PHOX2A: variants seen among roughly 807,000 people sequenced by gnomAD.
PHOX2A encodes paired mesoderm homeobox protein 2A.
PHOX2A carries 10 observed loss-of-function variants against 16.4 expected under a neutral mutation model. The observed-to-expected ratio is 0.61, with a 90% CI of 0.38 to 1.04. The LOEUF (loss-of-function observed/expected upper bound fraction) is 1.04, where lower values mean the gene tolerates loss of function less well. PHOX2A is among the 50% of genes least tolerant of loss of function. The pLI, the probability that PHOX2A is intolerant of heterozygous loss-of-function variation, is 0.01. For missense variants in PHOX2A, 361 were observed against 419.4 expected, an observed-to-expected ratio of 0.86 and a Z score of 1.22; for synonymous variants, 219 against 203.8, an observed-to-expected ratio of 1.07 and a Z score of -0.64.
chr11:72,239,827 G>C lies in PHOX2A; in HGVS notation c.777C>G (p.Ser259=). 1 of 1,367,030 alleles carries C rather than the reference G, an allele frequency of 7.3e-7. No individual in the cohort carries two copies. The allele number at this position is 1,367,030 out of a possible 1,614,324, so 84.7% of individuals were successfully genotyped here. The stretch of plus-strand genomic sequence containing the variant: ...GAACCCCGGAGAAGGGCCCGGGGCC[G>C]GACTCCGCCGGCTGCCAAGCCTTAA... ...ELLKAWQPAE[S]GPGPFSGVLS... Residue 259 remains serine, a synonymous_variant, in exon 3 of 3, where the codon TCC becomes TCG. Transcript: ENST00000298231.
At position 72,240,062 on chromosome 11, in the gene PHOX2A, G is replaced by C; in HGVS notation, c.542C>G (p.Thr181Arg). 1 of 1,527,720 alleles carries C rather than the reference G, an allele frequency of 6.5e-7. No individual in the cohort carries two copies. The highest frequency in any genetic ancestry group is 8.8e-7 in the Non-Finnish European group (1 of 1,142,326). 94.6% of individuals were successfully genotyped at this position (1,527,720 alleles called of 1,614,324 possible). The change falls in exon 3 of 3, where the codon ACG (threonine) becomes AGG (arginine). Residue 181 changes from threonine to arginine, a missense_variant. Coordinates refer to ENST00000298231, the MANE Select transcript of PHOX2A (RefSeq NM_005169.4). ...GGTGCTATCGGGCGTGGGGCTGCAC[G>C]TGGACTCCTTGGAATCGTCGTCCTC... ...SSEDDDSKES[T>R]CSPTPDSTAS...
rs910694183 is a variant in PHOX2A at position 72,239,563 on chromosome 11, G to A, written c.*186C>T. 16 of 416,804 alleles carry A rather than the reference G, an allele frequency of 3.8e-5. No homozygotes were observed. Among genetic ancestry groups the A allele is most frequent in the Non-Finnish European group, 5.0e-5 (12 of 238,612 alleles). The allele number at this position is 416,804 out of a possible 1,614,324, so 25.8% of individuals were successfully genotyped here. On this transcript the variant is annotated 3_prime_UTR_variant, in exon 3 of 3. Transcript: ENST00000298231. ...GAACTCCGCTCTGCTGGTAGAGGGT[G>A]GGTGAGGACGAGAGTGGCCCTGACT...
intron 2 of PHOX2A, 21 bp downstream of exon 2, chr11:72,241,079 TAC>T: frequency 6.2e-7 from 1 of 1,611,586 alleles, no homozygotes; most frequent in Non-Finnish European, 8.5e-7. Flanking sequence ...CGCACTCTCG[TAC>T]ACACACGTGC....
chr11:72,244,100 G>A lies in PHOX2A; in HGVS notation c.-96C>T. Reference sequence around the variant, plus strand: ...GGAGGTTCGAGCGCCAGGCTCCGAGGACCCGAGGCCAGCTCTGAGCGCCCG... The same window carrying A: ...GGAGGTTCGAGCGCCAGGCTCCGAGAACCCGAGGCCAGCTCTGAGCGCCCG... On this transcript the variant is annotated 5_prime_UTR_variant, in exon 1 of 3. Coordinates refer to ENST00000298231, the MANE Select transcript of PHOX2A (RefSeq NM_005169.4). 1 of 552,094 alleles carries A rather than the reference G, an allele frequency of 1.8e-6. No individual in the cohort carries two copies. The highest frequency in any genetic ancestry group is 2.7e-6 in the Non-Finnish European group (1 of 366,304). 34.2% of individuals were successfully genotyped at this position (552,094 alleles called of 1,614,324 possible). A position where few individuals can be genotyped will look rare whatever the true frequency, so the allele number is the denominator to read the frequency against.
At chr11:72,242,445 A>G (rs1949129783) in intron 1 of PHOX2A, among the ~76,000 whole-genome samples, 2 of 151,890 alleles carry the variant, frequency 1.3e-5, no homozygotes, top group South Asian at 4.2e-4. Context: ...CAGTGCTTCC[A>G]TCTCTGCTCC....
Position 72,241,316 on chromosome 11 carries a change from G to C in PHOX2A, c.218-27C>G, listed in dbSNP as rs764781115. Reference sequence around the variant, plus strand: ...TGCGGGTGTGTGCAGGGGGGCCGGGGGGGGGGCAAAAAGGATGGGGGAGTG... The same window carrying C: ...TGCGGGTGTGTGCAGGGGGGCCGGGCGGGGGGCAAAAAGGATGGGGGAGTG... On this transcript the variant is annotated intron_variant, in intron 1 of 2. Coordinates refer to ENST00000298231, the MANE Select transcript of PHOX2A (RefSeq NM_005169.4). The C allele has an allele frequency of 2.4e-6, 3 of 1,248,150 alleles. 1 individual carries two copies. The highest frequency in any genetic ancestry group is 3.3e-6 in the Non-Finnish European group (3 of 900,954). 77.3% of individuals were successfully genotyped at this position (1,248,150 alleles called of 1,614,324 possible).
intron 1 of PHOX2A, among the ~76,000 whole-genome samples, chr11:72,242,145 C>T (rs1222238630): frequency 3.9e-5 from 6 of 151,946 alleles, no homozygotes; most frequent in African/African-American, 1.5e-4. Flanking sequence ...GCCAACACTG[C>T]CCCCCAACTC....
Position 72,240,028 on chromosome 11 carries a change from C to A in PHOX2A, c.576G>T (p.Leu192=). The A allele has an allele frequency of 6.9e-7, 1 of 1,447,296 alleles. No homozygotes were observed. Among genetic ancestry groups the A allele is most frequent in the South Asian group, 1.4e-5 (1 of 71,990 alleles). 89.7% of individuals were successfully genotyped at this position (1,447,296 alleles called of 1,614,324 possible). The part of the protein sequence containing the change: ...CSPTPDSTAS[L]PPPPAPGLAS... ...CCAGGCCGGGCGCAGGCGGCGGCGG[C>A]AGCGAGGCGGTGCTATCGGGCGTGG... Residue 192 remains leucine, a synonymous_variant, in exon 3 of 3, where the codon CTG becomes CTT. Coordinates refer to ENST00000298231, the MANE Select transcript of PHOX2A (RefSeq NM_005169.4).
At position 72,241,200 on chromosome 11, in the gene PHOX2A, T is replaced by C. The variant is rs774881202; in HGVS notation, c.307A>G (p.Lys103Glu). The part of the protein sequence containing the change: ...IRTTFTSAQL[K>E]ELERVFAETH... ...TCAGCGAAAACGCGCTCCAGCTCCT[T>C]GAGCTGCGCGCTGGTGAACGTGGTG... The change falls in exon 2 of 3, where the codon AAG becomes GAG. Residue 103 changes from lysine (K) to glutamate (E), a missense_variant. By Grantham distance (56) the Lys-to-Glu change is moderately conservative. Coordinates refer to ENST00000298231, the MANE Select transcript of PHOX2A (RefSeq NM_005169.4). 4 of 1,613,226 alleles carry C rather than the reference T, an allele frequency of 2.5e-6. No individual in the cohort carries two copies. The highest frequency in any genetic ancestry group is 3.4e-6 in the Non-Finnish European group (4 of 1,179,856).
chr11:72,243,945 G>A lies in PHOX2A; in HGVS notation c.60C>T (p.Ala20=). Residue 20 remains alanine (A), a synonymous_variant, in exon 1 of 3, where the codon GCC becomes GCT. Transcript: ENST00000298231. ...GGCTGCAGGCGCCAAAGTCGCCGTA[G>A]GCGGACGCCTCCATGGCCGCCACGC... ...DSCVAAMEAS[A]YGDFGACSQP... is the part of the protein sequence containing the mutation. 7.6e-7 allele frequency: 1 copy of A among 1,312,608 alleles called. No individual in the cohort carries two copies. The highest frequency in any genetic ancestry group is 3.2e-5 in the Admixed American group (1 of 31,732). The allele number at this position is 1,312,608 out of a possible 1,614,324, so 81.3% of individuals were successfully genotyped here. A position where few individuals can be genotyped will look rare whatever the true frequency, so the allele number is the denominator to read the frequency against.
intron 2 of PHOX2A, 137 bp downstream of exon 2, chr11:72,240,965 A>T: frequency 1.1e-6 from 1 of 881,472 alleles, no homozygotes; most frequent in Admixed American, 2.0e-5. Flanking sequence ...TGCCTCCCGT[A>T]GCTGCCCAAG....
chr11:72,239,577 G>A lies in PHOX2A; in HGVS notation c.*172C>T, dbSNP rs375530553. On this transcript the variant is annotated 3_prime_UTR_variant, in exon 3 of 3. Coordinates refer to ENST00000298231, the MANE Select transcript of PHOX2A (RefSeq NM_005169.4). The stretch of plus-strand genomic sequence containing the variant: ...TGGTAGAGGGTGGGTGAGGACGAGA[G>A]TGGCCCTGACTTGGTCTCCAAAGTT... 83 of 439,644 alleles carry A rather than the reference G, an allele frequency of 1.9e-4. No homozygotes were observed. Among genetic ancestry groups the A allele is most frequent in the South Asian group, 1.3e-3 (10 of 7,764 alleles). The allele number at this position is 439,644 out of a possible 1,614,324, so 27.2% of individuals were successfully genotyped here.
chr11:72,239,563 G>C lies in PHOX2A; in HGVS notation c.*186C>G. The C allele has an allele frequency of 2.4e-6, 1 of 416,922 alleles. No individual in the cohort carries two copies. The highest frequency in any genetic ancestry group is 2.0e-5 in the African/African-American group (1 of 48,956). The allele number at this position is 416,922 out of a possible 1,614,324, so 25.8% of individuals were successfully genotyped here. On this transcript the variant is annotated 3_prime_UTR_variant, in exon 3 of 3. Transcript: ENST00000298231. Reference sequence around the variant, plus strand: ...GAACTCCGCTCTGCTGGTAGAGGGTGGGTGAGGACGAGAGTGGCCCTGACT... The same window carrying C: ...GAACTCCGCTCTGCTGGTAGAGGGTCGGTGAGGACGAGAGTGGCCCTGACT...
rs1395319520 is a variant in PHOX2A at position 72,243,873 on chromosome 11, C to G, written c.132G>C (p.Ala44=). The G allele has an allele frequency of 3.1e-6, 4 of 1,273,962 alleles. No individual in the cohort carries two copies. Among genetic ancestry groups the G allele is most frequent in the Non-Finnish European group, 4.0e-6 (4 of 1,005,570 alleles). The allele number at this position is 1,273,962 out of a possible 1,614,324, so 78.9% of individuals were successfully genotyped here. The change falls in exon 1 of 3, where the codon GCG becomes GCC. Residue 44 remains alanine (A), a synonymous_variant. Coordinates refer to ENST00000298231, the MANE Select transcript of PHOX2A (RefSeq NM_005169.4). ...QYSPLRPAFP[A]AGPPCPALGS... is the part of the protein sequence containing the mutation. ...CGAGCGCGGGGCAGGGCGGCCCTGC[C>G]GCGGGGAAAGCGGGCCGCAGGGGGC...
rs369607302 is a variant in PHOX2A, at chr11:72,241,977, CTCT to C, written c.218-691_218-689del. ...TCCTAATCTTCCTCCATTTGAATCTCTCTTCAACTTTCCATTTCTCAGCCACTC... is the reference window on the plus strand; with the variant it reads ...TCCTAATCTTCCTCCATTTGAATCTCTCAACTTTCCATTTCTCAGCCACTC... On this transcript the variant is annotated intron_variant, in intron 1 of 2. Transcript: ENST00000298231. 4.2e-3 allele frequency among the ~76,000 whole-genome samples: 629 copies of C among 150,202 alleles called. 6 individuals are homozygous for C. Among genetic ancestry groups the C allele is most frequent in the African/African-American group, 0.015 (594 of 40,750 alleles).
Position 72,241,159 on chromosome 11 carries a change from G to A in PHOX2A, c.348C>T (p.Asp116=), listed in dbSNP as rs376482990. ...GCGCCAGCTCCTCACGCGTGTAAAT[G>A]TCGGGGTAGTGGGTCTCAGCGAAAA... ...ERVFAETHYP[D]IYTREELALK... The change falls in exon 2 of 3, where the codon GAC becomes GAT. Residue 116 remains aspartate, a synonymous_variant. Transcript: ENST00000298231. 9 of 1,613,954 alleles carry A rather than the reference G, an allele frequency of 5.6e-6. No individual in the cohort carries two copies. The highest frequency in any genetic ancestry group is 7.6e-6 in the Non-Finnish European group (9 of 1,180,012).
chr11:72,241,073 C>T (rs1172811333), intron 2 of PHOX2A, 29 bp downstream of exon 2: 1 of 1,610,640 alleles, frequency 6.2e-7, no homozygotes. Flanking sequence ...TCCATGCGCA[C>T]TCTCGTACAC....
rs1949126434 is a variant in PHOX2A, at chr11:72,241,940, C to T, written c.218-651G>A. Among the ~76,000 whole-genome samples the T allele has an allele frequency of 3.3e-5, 5 of 149,950 alleles. 1 individual carries two copies. In the South Asian group the frequency reaches 1.1e-3, roughly 32 times the overall value. ...TGACCCCCATTCTCCCCTAGATGTCCCCCTCTCCTCTTCCTAATCTTCCTC... is the reference window on the plus strand; with the variant it reads ...TGACCCCCATTCTCCCCTAGATGTCTCCCTCTCCTCTTCCTAATCTTCCTC... On this transcript the variant is annotated intron_variant, in intron 1 of 2. Coordinates refer to ENST00000298231, the MANE Select transcript of PHOX2A (RefSeq NM_005169.4).
At chr11:72,240,459 G>C (rs2135455103) in intron 2 of PHOX2A, among the ~76,000 whole-genome samples, 1 of 152,318 alleles carries the variant, frequency 6.6e-6, no homozygotes, top group South Asian at 2.1e-4. Flanking sequence ...TGGTCTCCCG[G>C]AGGGGACCCT....
Sources: allele counts gnomAD v4.1 joint callset (sites outside exome capture counted in the v4.1 genomes callset), GRCh38; gene constraint gnomAD v4.1.1; transcripts MANE v1.5; gene names NCBI Gene and HGNC (gene_info 2026-07-23, HGNC 2026-07-21).